The following ZBTB18 variants were observed in gnomAD, a reference collection of about 807,000 sequenced individuals.
The protein encoded by ZBTB18 is zinc finger and BTB domain-containing protein 18.
Under a neutral mutation model 37.7 loss-of-function variants are expected in ZBTB18, and 2 were observed. The ratio of observed to expected loss-of-function variants is 0.05; its 90% CI spans 0.02 to 0.17. ZBTB18 has a LOEUF of 0.17. ZBTB18 is among the 10% of genes least tolerant of loss of function. The pLI, the probability that ZBTB18 is intolerant of heterozygous loss-of-function variation, is 1.00. For synonymous variants in ZBTB18, 304 were observed against 276.5 expected, an observed-to-expected ratio of 1.10 and a Z score of -0.99; for missense variants, 408 against 686.3, an observed-to-expected ratio of 0.59 and a Z score of 4.53.
rs1040758174 is a variant in ZBTB18 at position 244,053,705 on chromosome 1, G to A, written c.14-83G>A. On this transcript the variant is annotated intron_variant, in intron 1 of 1. Transcript: ENST00000358704. This position sits in a 1 kb window ranked among gnomAD's most constrained non-coding sequence, Gnocchi z 5.2. ...GGACATGTACCACGGCGGCCAAAGC[G>A]GAATTAATTTTTTTATATGGGGACT... is the stretch of plus-strand genomic sequence containing the variant. 2.4e-5 allele frequency: 37 copies of A among 1,522,232 alleles called. No individual in the cohort carries two copies. The highest frequency in any genetic ancestry group is 1.3e-4 in the Admixed American group (6 of 45,226). 94.3% of individuals were successfully genotyped at this position (1,522,232 alleles called of 1,614,324 possible).
chr1:244,053,710 T>A lies in ZBTB18; in HGVS notation c.14-78T>A. The stretch of plus-strand genomic sequence containing the variant: ...TGTACCACGGCGGCCAAAGCGGAAT[T>A]AATTTTTTTATATGGGGACTGGAGC... On this transcript the variant is annotated intron_variant, in intron 1 of 1. Coordinates refer to ENST00000358704, the MANE Select transcript of ZBTB18 (RefSeq NM_205768.3). The surrounding 1 kb of genome is among the most constrained non-coding windows in gnomAD (Gnocchi z 5.2). 6.6e-7 allele frequency: 1 copy of A among 1,525,764 alleles called. No homozygotes were observed. The allele number at this position is 1,525,764 out of a possible 1,614,324, so 94.5% of individuals were successfully genotyped here. A position where few individuals can be genotyped will look rare whatever the true frequency, so the allele number is the denominator to read the frequency against.
At chr1:244,051,499 T>C (rs1698351868) in intron 1 of ZBTB18, 55 bp downstream of exon 1, 4 of 1,605,516 alleles carry the variant, frequency 2.5e-6, no homozygotes, top group Non-Finnish European at 3.4e-6. Flanking sequence ...GTTTTGTTTA[T>C]TTAATTTTAA....
In ZBTB18 at chr1:244,054,509, T is replaced by C; in HGVS notation, c.735T>C (p.Val245=). The C allele has an allele frequency of 6.2e-7, 1 of 1,614,216 alleles. No individual in the cohort carries two copies. The highest frequency in any genetic ancestry group is 8.5e-7 in the Non-Finnish European group (1 of 1,180,040). Residue 245 remains valine, a synonymous_variant, in exon 2 of 2, where the codon GTT becomes GTC. Coordinates refer to ENST00000358704, the MANE Select transcript of ZBTB18 (RefSeq NM_205768.3). This position sits in a 1 kb window ranked among gnomAD's most constrained non-coding sequence, Gnocchi z 9.0. ...CCTCCGTGAGGGATTCGGCAGATGT[T>C]GACTGTGTGCTGGACCTGTCTGTCA... The part of the protein sequence containing the change: ...SVTSVRDSAD[V]DCVLDLSVKS...
At chr1:244,052,017 C>G (rs958356693) in intron 1 of ZBTB18, among the ~76,000 whole-genome samples, 4 of 152,124 alleles carry the variant, frequency 2.6e-5, no homozygotes, top group Admixed American at 2.0e-4. Context: ...ATTTCTCTTT[C>G]AAATATATAT....
upstream of ZBTB18, among the ~76,000 whole-genome samples, chr1:244,051,131 T>G (rs1352155828): frequency 6.6e-6 from 1 of 152,208 alleles, no homozygotes; most frequent in African/African-American, 2.4e-5. Flanking sequence ...AAAGTTCTCC[T>G]AAGAAAAAGC....
At chr1:244,049,484 G>A (rs1698305414), upstream of ZBTB18, among the ~76,000 whole-genome samples, 1 of 151,354 alleles carries the variant, frequency 6.6e-6, no homozygotes. Context: ...GGGCCCTCCC[G>A]GGCTGGTGCA....
chr1:244,051,569 A>G (rs1364702284), intron 1 of ZBTB18, 125 bp downstream of exon 1: 30 of 1,137,870 alleles, frequency 2.6e-5, no homozygotes, highest in Admixed American at 8.4e-5. Context: ...GTATTAAATG[A>G]ACATCTTACT....
In ZBTB18 at chr1:244,054,812, G is replaced by C; in HGVS notation, c.1038G>C (p.Met346Ile). ...DREDKASDDE[M>I]MTPESERVQV... The stretch of plus-strand genomic sequence containing the variant: ...AGGACAAAGCCAGTGATGATGAGAT[G>C]ATGACCCCAGAGAGCGAGCGTGTCC... Residue 346 changes from methionine to isoleucine, a missense_variant, in exon 2 of 2, where the codon ATG becomes ATC. Met to Ile is a conservative substitution (Grantham distance 10). Coordinates refer to ENST00000358704, the MANE Select transcript of ZBTB18 (RefSeq NM_205768.3). The surrounding 1 kb of genome is among the most constrained non-coding windows in gnomAD (Gnocchi z 9.0). The C allele has an allele frequency of 6.2e-7, 1 of 1,614,122 alleles. No individual in the cohort carries two copies. The highest frequency in any genetic ancestry group is 2.2e-5 in the East Asian group (1 of 44,880).
rs1374454894 is a variant in ZBTB18, at chr1:244,056,686, A to G, written c.*1316A>G. On this transcript the variant is annotated 3_prime_UTR_variant, in exon 2 of 2. Transcript: ENST00000358704. The stretch of plus-strand genomic sequence containing the variant: ...CCCCCACCACCACCCTCCACCCCCA[A>G]CTCATGAAAAGATTCTATGGACTGA... The G allele has an allele frequency of 1.1e-5, 1 of 87,266 alleles. No individual in the cohort carries two copies. The highest frequency in any genetic ancestry group is 2.6e-5 in the Non-Finnish European group (1 of 37,810). The allele number at this position is 87,266 out of a possible 1,614,324, so 5.4% of individuals were successfully genotyped here. A position where few individuals can be genotyped will look rare whatever the true frequency, so the allele number is the denominator to read the frequency against.
At position 244,054,268 on chromosome 1, in the gene ZBTB18, C is replaced by G; in HGVS notation, c.494C>G (p.Pro165Arg). Residue 165 changes from proline (P) to arginine (R), a missense_variant, in exon 2 of 2, where the codon CCC becomes CGC. Coordinates refer to ENST00000358704, the MANE Select transcript of ZBTB18 (RefSeq NM_205768.3). This position sits in a 1 kb window ranked among gnomAD's most constrained non-coding sequence, Gnocchi z 9.0. ...AGCAGCCACATAGCAGGCGATTTGC[C>G]CAGTGATGAAGATGAAGGAGAAGAT... ...DGSSHIAGDL[P>R]SDEDEGEDEK... is the part of the protein sequence containing the mutation. 1 of 1,614,088 alleles carries G rather than the reference C, an allele frequency of 6.2e-7. No homozygotes were observed. Among genetic ancestry groups the G allele is most frequent in the Non-Finnish European group, 8.5e-7 (1 of 1,180,008 alleles).
rs766629996 is a variant in ZBTB18 at position 244,054,698 on chromosome 1, A to G, written c.924A>G (p.Glu308=). The G allele has an allele frequency of 6.2e-7, 1 of 1,614,212 alleles. No homozygotes were observed. The highest frequency in any genetic ancestry group is 1.1e-5 in the South Asian group (1 of 91,080). ...ACATGGAACATAGCACTGTGAAAGA[A>G]AGTGTGAGCACTAATAACAGGGTAC... The part of the protein sequence containing the change: ...DYDMEHSTVK[E]SVSTNNRVQY... The change falls in exon 2 of 2, where the codon GAA becomes GAG. Residue 308 remains glutamate, a synonymous_variant. Transcript: ENST00000358704. This position sits in a 1 kb window ranked among gnomAD's most constrained non-coding sequence, Gnocchi z 9.0.
At chr1:244,051,765 G>GGGT (rs369063089) in intron 1 of ZBTB18, among the ~76,000 whole-genome samples, 49 of 152,164 alleles carry the variant, frequency 3.2e-4, no homozygotes, top group Non-Finnish European at 3.8e-4. Flanking sequence ...GATTTGATTG[G>GGGT]GGTGGTGGTG....
chr1:244,054,806 T>C lies in ZBTB18; in HGVS notation c.1032T>C (p.Asp344=). Residue 344 remains aspartate, a synonymous_variant, in exon 2 of 2, where the codon GAT becomes GAC. Transcript: ENST00000358704. This position sits in a 1 kb window ranked among gnomAD's most constrained non-coding sequence, Gnocchi z 9.0. Reference sequence around the variant, plus strand: ...ACCGGGAGGACAAAGCCAGTGATGATGAGATGATGACCCCAGAGAGCGAGC... The same window carrying C: ...ACCGGGAGGACAAAGCCAGTGATGACGAGATGATGACCCCAGAGAGCGAGC... The part of the protein sequence containing the change: ...ELDREDKASD[D]EMMTPESERV... 1 of 1,613,928 alleles carries C rather than the reference T, an allele frequency of 6.2e-7. No homozygotes were observed.
rs1179192309 is a variant in ZBTB18, at chr1:244,056,718, C to T, written c.*1348C>T. ...AAAAGATTCTATGGACTGAAAAAGCCCCAGGCTGAAAGGACTGGACTGCCT... is the reference window on the plus strand; with the variant it reads ...AAAAGATTCTATGGACTGAAAAAGCTCCAGGCTGAAAGGACTGGACTGCCT... On this transcript the variant is annotated 3_prime_UTR_variant, in exon 2 of 2. Transcript: ENST00000358704. The T allele has an allele frequency of 1.2e-5, 2 of 164,480 alleles. No individual in the cohort carries two copies. Among genetic ancestry groups the T allele is most frequent in the Non-Finnish European group, 3.0e-5 (2 of 67,700 alleles). 10.2% of individuals were successfully genotyped at this position (164,480 alleles called of 1,614,324 possible).
At chr1:244,052,972 C>T (rs1028473363) in intron 1 of ZBTB18, among the ~76,000 whole-genome samples, 5 of 152,146 alleles carry the variant, frequency 3.3e-5, no homozygotes, top group Non-Finnish European at 7.3e-5. Flanking sequence ...CAGTAAAGCC[C>T]CTCTGGTTCC....
upstream of ZBTB18, among the ~76,000 whole-genome samples, chr1:244,049,262 T>TCCGCGCCGCGCCC (rs1386297856): frequency 7.3e-6 from 1 of 136,166 alleles, no homozygotes; most frequent in African/African-American, 2.7e-5. Context: ...GGTTCCCGGC[T>TCCGCGCCGCGCCC]CCGCGCCGCG....
At position 244,051,348 on chromosome 1, in the gene ZBTB18, C is replaced by G; in HGVS notation, c.-84C>G. 1 of 1,490,884 alleles carries G rather than the reference C, an allele frequency of 6.7e-7. No individual in the cohort carries two copies. Among genetic ancestry groups the G allele is most frequent in the South Asian group, 1.2e-5 (1 of 86,200 alleles). 92.4% of individuals were successfully genotyped at this position (1,490,884 alleles called of 1,614,324 possible). A position where few individuals can be genotyped will look rare whatever the true frequency, so the allele number is the denominator to read the frequency against. On this transcript the variant is annotated 5_prime_UTR_variant, in exon 1 of 2. The change creates a new upstream start codon in the 5' untranslated region. Coordinates refer to ENST00000358704, the MANE Select transcript of ZBTB18 (RefSeq NM_205768.3). ...CTCTAACATCATCTCCACTTTGCAT[C>G]TGTCTCTCTTAGTCTGCTTTTTTTC...
At position 244,057,142 on chromosome 1, in the gene ZBTB18, C is replaced by T. The variant is rs189435496; in HGVS notation, c.*1772C>T. On this transcript the variant is annotated 3_prime_UTR_variant, in exon 2 of 2. Coordinates refer to ENST00000358704, the MANE Select transcript of ZBTB18 (RefSeq NM_205768.3). ...TGTGAAAATGGCCTTGGAGCATTATCTTTAGTTACTTGAAGAGTTTCTAGT... is the reference window on the plus strand; with the variant it reads ...TGTGAAAATGGCCTTGGAGCATTATTTTTAGTTACTTGAAGAGTTTCTAGT... The T allele has an allele frequency of 6.0e-6, 1 of 166,966 alleles. No individual in the cohort carries two copies. Among genetic ancestry groups the T allele is most frequent in the Non-Finnish European group, 1.5e-5 (1 of 68,082 alleles). The allele number at this position is 166,966 out of a possible 1,614,324, so 10.3% of individuals were successfully genotyped here.
chr1:244,049,779 T>TG (rs970628890), upstream of ZBTB18, among the ~76,000 whole-genome samples: 127 of 150,822 alleles, frequency 8.4e-4, no homozygotes, highest in African/African-American at 2.9e-3. Context: ...CCCACCTCTC[T>TG]GAAAAACAAA....
Sources: gnomAD v4.1 joint callset for allele counts (sites outside exome capture counted in the v4.1 genomes callset) on GRCh38, gnomAD v4.1.1 for gene constraint, Gnocchi (gnomAD v3.1) non-coding constraint, MANE v1.5 for transcripts, NCBI Gene and HGNC (gene_info 2026-07-23, HGNC 2026-07-21) for gene names.